CDK18: variants seen among roughly 807,000 people sequenced by gnomAD.
The protein encoded by CDK18 is cyclin-dependent kinase 18.
CDK18 carries 52 observed loss-of-function variants against 62.0 expected under a neutral mutation model. The ratio of observed to expected loss-of-function variants is 0.84; its 90% CI spans 0.67 to 1.06. CDK18 has a LOEUF of 1.06. CDK18 is among the 50% of genes least tolerant of loss of function. CDK18 has a pLI of 0.00. For synonymous variants in CDK18, 237 were observed against 247.0 expected (o/e 0.96, Z 0.38); for missense variants, 604 against 619.9 (o/e 0.97, Z 0.27).
chr1:205,531,089 C>T (rs535401120), intron 15 of CDK18, among the ~76,000 whole-genome samples: 1 of 152,164 alleles, frequency 6.6e-6, no homozygotes, highest in African/African-American at 2.4e-5. Context: ...CTTAAAATAC[C>T]CCTTGAAGCT....
intron 13 of CDK18, 105 bp downstream of exon 13, chr1:205,529,668 C>T (rs751621963): frequency 1.6e-5 from 26 of 1,586,128 alleles, no homozygotes; most frequent in South Asian, 9.1e-5. Context: ...TGTGCTTACA[C>T]GTCTTTGAAA....
chr1:205,527,645 G>C lies in CDK18; in HGVS notation c.730-149G>C. The C allele has an allele frequency of 4.1e-6, 3 of 729,006 alleles. No homozygotes were observed. In the South Asian group the frequency reaches 5.3e-5, roughly 13 times the overall value. 45.2% of individuals were successfully genotyped at this position (729,006 alleles called of 1,614,324 possible). ...TGGATGGGATTCCCTGGTGTGGGTG[G>C]GGTCCAGGATGGGGGCTGCAGGGTG... On this transcript the variant is annotated intron_variant, in intron 8 of 15. Coordinates refer to ENST00000429964, the MANE Select transcript of CDK18 (RefSeq NM_212502.3). The surrounding 1 kb of genome is among the most constrained non-coding windows in gnomAD (Gnocchi z 4.1).
At position 205,526,376 on chromosome 1, in the gene CDK18, T is replaced by G; in HGVS notation, c.581T>G (p.Leu194Arg). ...PCTAIREVSL[L>R]KNLKHANIVT... ...ATCTGTCTCCTCACAGTGTCTCTGC[T>G]GAAGAACCTGAAGCACGCCAATATT... is the stretch of plus-strand genomic sequence containing the variant. The change falls in exon 7 of 16, where the codon CTG becomes CGG. Residue 194 changes from leucine to arginine, a missense_variant. Transcript: ENST00000429964. 6.2e-7 allele frequency: 1 copy of G among 1,613,936 alleles called. No homozygotes were observed. The highest frequency in any genetic ancestry group is 8.5e-7 in the Non-Finnish European group (1 of 1,179,804).
chr1:205,523,188 G>A lies in CDK18; in HGVS notation c.21G>A (p.Lys7=). The change falls in exon 2 of 16, where the codon AAG becomes AAA. Residue 7 remains lysine, a synonymous_variant. Coordinates refer to ENST00000429964, the MANE Select transcript of CDK18 (RefSeq NM_212502.3). The part of the protein sequence containing the change: MIMNKM[K]NFKRRFSLSV... ...CCCTCATGATCATGAACAAGATGAA[G>A]AACTTTAAGCGCCGTTTCTCCCTGT... The A allele has an allele frequency of 6.2e-7, 1 of 1,612,832 alleles. No individual in the cohort carries two copies. Among genetic ancestry groups the A allele is most frequent in the African/African-American group, 1.3e-5 (1 of 74,984 alleles).
At chr1:205,526,201 C>T (rs746768264) in intron 6 of CDK18, 22 bp downstream of exon 6, 103 of 1,596,404 alleles carry the variant, frequency 6.5e-5, no homozygotes, top group Middle Eastern at 1.7e-4. Context: ...TAGGCTCCCA[C>T]GCTCCCCTGG....
chr1:205,506,536 G>A (rs561760316), intron 1 of CDK18, among the ~76,000 whole-genome samples: 5 of 152,302 alleles, frequency 3.3e-5, no homozygotes, highest in African/African-American at 7.2e-5. Flanking sequence ...TCTACTGTGC[G>A]CCAAGCAGTG....
chr1:205,529,913 G>C, intron 13 of CDK18: 1 of 1,385,666 alleles, frequency 7.2e-7, no homozygotes, highest in South Asian at 1.5e-5. Flanking sequence ...TGCCTGTCTT[G>C]TAAGGCACAC....
rs745941885 is a variant in CDK18, at chr1:205,528,169, G to A, written c.974+1G>A. ...AGTACTCCACCCCCATTGATATGTG[G>A]TGAGTGAGCACTGTGGGGACCGAGG... On this transcript the variant is annotated splice_donor_variant, in intron 10 of 15. Transcript: ENST00000429964. LOFTEE classifies it high-confidence loss of function. The surrounding 1 kb of genome is among the most constrained non-coding windows in gnomAD (Gnocchi z 4.2). The A allele has an allele frequency of 5.0e-6, 8 of 1,613,344 alleles. No individual in the cohort carries two copies. Among genetic ancestry groups the A allele is most frequent in the Non-Finnish European group, 6.8e-6 (8 of 1,179,974 alleles).
At chr1:205,529,275 T>A in intron 11 of CDK18, 49 bp from the exon 12 acceptor site, 1 of 1,544,018 alleles carries the variant, frequency 6.5e-7, no homozygotes, top group Non-Finnish European at 8.9e-7. Context: ...AAGTCGGCCT[T>A]GGCCCTGGGC....
chr1:205,528,994 C>T lies in CDK18; in HGVS notation c.975-5C>T, dbSNP rs886481882. 1 of 1,568,718 alleles carries T rather than the reference C, an allele frequency of 6.4e-7. No homozygotes were observed. Among genetic ancestry groups the T allele is most frequent in the Admixed American group, 1.9e-5 (1 of 53,676 alleles). On this transcript the variant is annotated splice_region_variant and splice_polypyrimidine_tract_variant and intron_variant, in intron 10 of 15. Transcript: ENST00000429964. The surrounding 1 kb of genome is among the most constrained non-coding windows in gnomAD (Gnocchi z 4.2). Reference sequence around the variant, plus strand: ...GATGCCGACCCTACCCCTTGCTCCTCGCAGGGGCGTGGGCTGCATCCACTA... The same window carrying T: ...GATGCCGACCCTACCCCTTGCTCCTTGCAGGGGCGTGGGCTGCATCCACTA...
At chr1:205,509,201 A>G (rs1301348158) in intron 1 of CDK18, among the ~76,000 whole-genome samples, 1 of 152,154 alleles carries the variant, frequency 6.6e-6, no homozygotes, top group Non-Finnish European at 1.5e-5. Context: ...AACCCTGAAG[A>G]GACTGGACAC....
intron 1 of CDK18, among the ~76,000 whole-genome samples, chr1:205,518,937 T>C (rs1034926144): frequency 6.6e-6 from 1 of 152,064 alleles, no homozygotes; most frequent in Admixed American, 6.5e-5. Context: ...TTGGCTGGGG[T>C]CTGCCTGCCC....
intron 1 of CDK18, among the ~76,000 whole-genome samples, chr1:205,515,546 T>C (rs1319023985): frequency 6.6e-6 from 1 of 152,192 alleles, no homozygotes; most frequent in African/African-American, 2.4e-5. Flanking sequence ...TCTAGGACGC[T>C]GATGGCAGTT....
intron 1 of CDK18, among the ~76,000 whole-genome samples, chr1:205,520,931 T>C (rs1259228189): frequency 6.6e-6 from 1 of 152,138 alleles, no homozygotes; most frequent in Non-Finnish European, 1.5e-5. Flanking sequence ...GGAAGCTTCC[T>C]GTCTGCAAGA....
At chr1:205,509,581 G>A (rs1317087428) in intron 1 of CDK18, among the ~76,000 whole-genome samples, 1 of 152,170 alleles carries the variant, frequency 6.6e-6, no homozygotes, top group East Asian at 1.9e-4. Flanking sequence ...ATTATCTCAT[G>A]TGATTGCGAG....
In CDK18 at chr1:205,529,405, AGCCGCTCATCAACCACGC is replaced by A. The variant is rs779136421; in HGVS notation, c.1158_1175del (p.Leu387_Pro392del). On this transcript the variant is annotated inframe_deletion, in exon 12 of 16. Coordinates refer to ENST00000429964, the MANE Select transcript of CDK18 (RefSeq NM_212502.3). Reference sequence around the variant, plus strand: ...TACAGCTTCCCCTGCTACCTCCCGCAGCCGCTCATCAACCACGCGCCCAGGTAGCCCCTGCGCCCGCCG... The same window carrying A: ...TACAGCTTCCCCTGCTACCTCCCGCAGCCCAGGTAGCCCCTGCGCCCGCCG... 6.2e-7 allele frequency: 1 copy of A among 1,613,888 alleles called. No individual in the cohort carries two copies. The highest frequency in any genetic ancestry group is 1.7e-5 in the Admixed American group (1 of 60,016).
chr1:205,531,657 A>G lies in CDK18; in HGVS notation c.*279A>G, dbSNP rs1189186865. ...GACATGAGGGGGGGGCGGTCCTCGT[A>G]CCCTCTCCCACCCTGGTGTTTGGGC... On this transcript the variant is annotated 3_prime_UTR_variant, in exon 16 of 16. Transcript: ENST00000429964. The G allele has an allele frequency of 1.8e-5, 8 of 440,500 alleles. No individual in the cohort carries two copies. In the Admixed American group the frequency reaches 3.0e-4, roughly 17 times the overall value. The allele number at this position is 440,500 out of a possible 1,614,324, so 27.3% of individuals were successfully genotyped here.
At chr1:205,505,938 C>T (rs1667284572) in intron 1 of CDK18, among the ~76,000 whole-genome samples, 1 of 152,202 alleles carries the variant, frequency 6.6e-6, no homozygotes, top group African/African-American at 2.4e-5. Flanking sequence ...CCAGCTGTAG[C>T]CTGGGCCCTG....
chr1:205,525,206 G>A lies in CDK18; in HGVS notation c.456+11G>A, dbSNP rs1434807255. 1 of 1,605,326 alleles carries A rather than the reference G, an allele frequency of 6.2e-7. No homozygotes were observed. Among genetic ancestry groups the A allele is most frequent in the Non-Finnish European group, 8.5e-7 (1 of 1,173,380 alleles). ...GACAAACTGGGAGAGGTAAGACGCT[G>A]GGTTTGGTCTTCTCCGAATAGCCAG... On this transcript the variant is annotated intron_variant, in intron 5 of 15. Transcript: ENST00000429964.
Sources: allele counts gnomAD v4.1 joint callset (sites outside exome capture counted in the v4.1 genomes callset), GRCh38; gene constraint gnomAD v4.1.1; non-coding constraint Gnocchi (gnomAD v3.1); transcripts MANE v1.5; gene names NCBI Gene and HGNC (gene_info 2026-07-23, HGNC 2026-07-21).